PTPRG: variants seen among roughly 807,000 people sequenced by gnomAD.
PTPRG encodes the protein protein tyrosine phosphatase receptor type G.
In PTPRG, 102 loss-of-function variants were observed where a neutral mutation model predicts 165.3. The observed-to-expected ratio is 0.62, with a 90% CI of 0.53 to 0.73. PTPRG has a LOEUF of 0.73. Ranked by LOEUF, PTPRG falls within the 30% of genes least tolerant of loss-of-function variation. The probability of loss-of-function intolerance (pLI) is 0.00; values close to 1 mark genes in which losing one functional copy is unlikely to be tolerated. For missense variants in PTPRG, 1,866 were observed against 1,861.4 expected (o/e 1.00, Z -0.05); for synonymous variants, 675 against 669.5 (o/e 1.01, Z -0.13).
At chr3:61,758,070 T>G (rs2033692350) in intron 2 of PTPRG, among the ~76,000 whole-genome samples, 1 of 152,204 alleles carries the variant, frequency 6.6e-6, no homozygotes, top group Non-Finnish European at 1.5e-5. Flanking sequence ...TTTCTTTCTT[T>G]TTTTCCATTT....
intron 2 of PTPRG, among the ~76,000 whole-genome samples, chr3:61,977,472 A>G (rs915753757): frequency 3.9e-5 from 6 of 152,190 alleles, no homozygotes; most frequent in Non-Finnish European, 7.3e-5. Flanking sequence ...AGAAGTCATC[A>G]TCATTAATGG....
chr3:61,666,866 C>T (rs1702825908), intron 1 of PTPRG, among the ~76,000 whole-genome samples: 3 of 152,194 alleles, frequency 2.0e-5, no homozygotes, highest in Non-Finnish European at 4.4e-5. Context: ...GAAAAGCTGA[C>T]AGCTGATGTC....
intron 2 of PTPRG, among the ~76,000 whole-genome samples, chr3:61,949,100 C>T (rs1326956559): frequency 6.7e-6 from 1 of 149,450 alleles, no homozygotes; most frequent in African/African-American, 2.5e-5. Context: ...TGGGAATGCT[C>T]AGATGGTCTT....
chr3:61,619,551 A>G (rs1035818316), intron 1 of PTPRG, among the ~76,000 whole-genome samples: 1 of 152,234 alleles, frequency 6.6e-6, no homozygotes, highest in African/African-American at 2.4e-5. Context: ...TCAGCAATGC[A>G]GCCTTTGAGA....
intron 1 of PTPRG, among the ~76,000 whole-genome samples, chr3:61,626,666 C>T (rs1473745248): frequency 6.6e-6 from 1 of 152,222 alleles, no homozygotes; most frequent in Non-Finnish European, 1.5e-5. Flanking sequence ...TATTGCTGCA[C>T]ACATCCTGCT....
intron 8 of PTPRG, among the ~76,000 whole-genome samples, chr3:62,178,342 A>C (rs1261605402): frequency 6.6e-6 from 1 of 152,304 alleles, no homozygotes; most frequent in East Asian, 1.9e-4. Flanking sequence ...CAGGAATAAA[A>C]AATTCTTACC....
chr3:62,159,962 T>C lies in PTPRG; in HGVS notation c.840+2738T>C, dbSNP rs139341250. 5.1e-3 allele frequency among the ~76,000 whole-genome samples: 774 copies of C among 152,310 alleles called. 3 individuals carry two copies. In the Middle Eastern group the frequency reaches 0.065, roughly 13 times the overall value. On this transcript the variant is annotated intron_variant, in intron 7 of 29. Transcript: ENST00000474889. ...GCTTCAGACCTTCCCACCCTGACCC[T>C]GCCAACATTCTTTCTGAAGTTAGCA...
intron 1 of PTPRG, among the ~76,000 whole-genome samples, chr3:61,602,618 C>G (rs1700900902): frequency 6.6e-6 from 1 of 152,224 alleles, no homozygotes; most frequent in Admixed American, 6.5e-5. Flanking sequence ...ATTAACCAGA[C>G]ACTGTCTATT....
intron 3 of PTPRG, among the ~76,000 whole-genome samples, chr3:61,998,555 A>C (rs887779009): frequency 3.9e-5 from 6 of 152,218 alleles, no homozygotes; most frequent in African/African-American, 1.4e-4. Context: ...CTAGGATTCA[A>C]GTTTGGACTT....
intron 1 of PTPRG, among the ~76,000 whole-genome samples, chr3:61,655,793 A>G (rs1030872696): frequency 2.6e-5 from 4 of 151,996 alleles, no homozygotes; most frequent in African/African-American, 4.8e-5. Flanking sequence ...TTTTTTGTAG[A>G]TATAGGATCT....
At chr3:61,873,675 G>T (rs2037646160) in intron 2 of PTPRG, among the ~76,000 whole-genome samples, 1 of 152,106 alleles carries the variant, frequency 6.6e-6, no homozygotes, top group Admixed American at 6.5e-5. Context: ...TAACTGGGGG[G>T]AGGGGTAGTT....
At chr3:61,567,593 G>A (rs1258668943) in intron 1 of PTPRG, among the ~76,000 whole-genome samples, 33 of 149,056 alleles carry the variant, frequency 2.2e-4, no homozygotes, top group Admixed American at 2.2e-3. Context: ...TTGAGCCCAC[G>A]AGGTTGAGGC....
intron 2 of PTPRG, among the ~76,000 whole-genome samples, chr3:61,890,648 C>T (rs1270777061): frequency 2.6e-5 from 4 of 152,072 alleles, no homozygotes; most frequent in Non-Finnish European, 5.9e-5. Flanking sequence ...ATAATTTCCA[C>T]CTCCAACTGC....
intron 15 of PTPRG, 148 bp downstream of exon 15, chr3:62,244,046 T>A (rs1701229553): frequency 1.8e-6 from 1 of 556,250 alleles, no homozygotes; most frequent in Admixed American, 3.5e-5. Context: ...AATAACTGAG[T>A]TAATGTAGTA....
At chr3:61,893,041 T>A (rs1316769626) in intron 2 of PTPRG, among the ~76,000 whole-genome samples, 1 of 152,210 alleles carries the variant, frequency 6.6e-6, no homozygotes, top group African/African-American at 2.4e-5. Context: ...ACAGATGTTC[T>A]TACATTTAGA....
At chr3:62,085,433 C>A (rs1437426052) in intron 5 of PTPRG, among the ~76,000 whole-genome samples, 1 of 152,080 alleles carries the variant, frequency 6.6e-6, no homozygotes, top group Non-Finnish European at 1.5e-5. Context: ...CGTTCAGAGG[C>A]CTTAAAGGAC....
intron 4 of PTPRG, among the ~76,000 whole-genome samples, chr3:62,036,134 T>C (rs1699929455): frequency 1.3e-5 from 2 of 151,854 alleles, no homozygotes; most frequent in East Asian, 3.9e-4. Context: ...ATTGCATATG[T>C]TAGAAGGTGA....
At chr3:61,734,937 G>A (rs1366995404) in intron 1 of PTPRG, among the ~76,000 whole-genome samples, 1 of 152,106 alleles carries the variant, frequency 6.6e-6, no homozygotes, top group East Asian at 1.9e-4. Context: ...CTGCTTTTCC[G>A]TCTGACTCTT....
intron 2 of PTPRG, among the ~76,000 whole-genome samples, chr3:61,942,403 C>G (rs762214123): frequency 9.2e-5 from 14 of 152,158 alleles, no homozygotes; most frequent in Non-Finnish European, 1.6e-4. Flanking sequence ...TAAGAGAAAA[C>G]AAAAATTAGA....
Sources: allele counts gnomAD v4.1 joint callset (sites outside exome capture counted in the v4.1 genomes callset), GRCh38; gene constraint gnomAD v4.1.1; transcripts MANE v1.5; gene names NCBI Gene and HGNC (gene_info 2026-07-23, HGNC 2026-07-21).